ARHGAP42: variants seen among roughly 807,000 people sequenced by gnomAD.
ARHGAP42 encodes the protein rho GTPase-activating protein 42.
Under a neutral mutation model 125.0 loss-of-function variants are expected in ARHGAP42, and 63 were observed. The ratio of observed to expected loss-of-function variants is 0.50; its 90% confidence interval spans 0.41 to 0.62. ARHGAP42 has a LOEUF of 0.62. ARHGAP42 is among the 20% of genes least tolerant of loss of function. ARHGAP42 has a pLI of 0.00. For missense variants in ARHGAP42, 766 were observed against 1,024.2 expected (o/e 0.75, Z 3.44); for synonymous variants, 339 against 351.0 (o/e 0.97, Z 0.38).
intron 4 of ARHGAP42, among the ~76,000 whole-genome samples, chr11:100,873,739 C>T (rs1041569572): frequency 6.6e-6 from 1 of 152,136 alleles, no homozygotes; most frequent in African/African-American, 2.4e-5. Flanking sequence ...TTATTTTCAG[C>T]CTCTTTTTAC....
At chr11:100,723,963 G>T (rs565111150) in intron 1 of ARHGAP42, among the ~76,000 whole-genome samples, 113 of 152,206 alleles carry the variant, frequency 7.4e-4, no homozygotes, top group African/African-American at 2.6e-3. Flanking sequence ...TTTTTATTAT[G>T]AATTGGTGTT....
intron 12 of ARHGAP42, among the ~76,000 whole-genome samples, chr11:100,955,199 T>C (rs566608): frequency 0.88 from 134,067 of 151,982 alleles, 59,224 homozygotes; most frequent in East Asian, 1. Flanking sequence ...TTTAAGGTTT[T>C]AATAAAAGCT....
At chr11:100,813,173 C>T (rs1591202518) in intron 3 of ARHGAP42, among the ~76,000 whole-genome samples, 1 of 151,760 alleles carries the variant, frequency 6.6e-6, no homozygotes, top group Admixed American at 6.7e-5. Context: ...TAGGATTTCT[C>T]CACCTCAGCA....
intron 13 of ARHGAP42, among the ~76,000 whole-genome samples, chr11:100,960,272 G>A (rs1043836725): frequency 4.0e-5 from 6 of 150,532 alleles, no homozygotes; most frequent in African/African-American, 1.5e-4. Flanking sequence ...AGATTCTTAA[G>A]GAGCTTGTCT....
At chr11:100,905,830 T>C (rs1251603516) in intron 4 of ARHGAP42, among the ~76,000 whole-genome samples, 5 of 151,856 alleles carry the variant, frequency 3.3e-5, no homozygotes, top group Admixed American at 1.3e-4. Flanking sequence ...TAACCAAAAT[T>C]AGCCAGGAAT....
chr11:100,936,445 T>A, intron 8 of ARHGAP42, 113 bp downstream of exon 8: 2 of 1,368,406 alleles, frequency 1.5e-6, no homozygotes, highest in African/African-American at 2.9e-5. Context: ...CTTATAGCTT[T>A]ATATCTACTT....
intron 4 of ARHGAP42, among the ~76,000 whole-genome samples, chr11:100,875,766 G>A (rs945150908): frequency 6.6e-6 from 1 of 152,056 alleles, no homozygotes; most frequent in Non-Finnish European, 1.5e-5. Flanking sequence ...GGTGGCGGGG[G>A]GTGACTGGAC....
rs1011484619 is a variant in ARHGAP42, at chr11:100,877,857, T to C, written c.384+18232T>C. ...CCGTCTCCAGTAAAAATACAAAAAT[T>C]AGCCAGACGTGGTGGCACATGCCTG... On this transcript the variant is annotated intron_variant, in intron 4 of 23. Transcript: ENST00000298815. Among the ~76,000 whole-genome samples the C allele has an allele frequency of 2.0e-5, 3 of 151,586 alleles. No individual in the cohort carries two copies. In the East Asian group the frequency reaches 5.9e-4, roughly 30 times the overall value.
intron 4 of ARHGAP42, among the ~76,000 whole-genome samples, chr11:100,884,846 G>A (rs1320917567): frequency 6.6e-6 from 1 of 152,144 alleles, no homozygotes; most frequent in Non-Finnish European, 1.5e-5. Flanking sequence ...GAGCCTGGGT[G>A]GTCAATGGCA....
intron 4 of ARHGAP42, among the ~76,000 whole-genome samples, chr11:100,862,838 C>T (rs2135145495): frequency 6.6e-6 from 1 of 151,968 alleles, no homozygotes; most frequent in African/African-American, 2.4e-5. Context: ...CGAGACCAGC[C>T]TTCTGACCAA....
chr11:100,804,528 T>C (rs941852407), intron 3 of ARHGAP42, among the ~76,000 whole-genome samples: 1 of 151,636 alleles, frequency 6.6e-6, no homozygotes, highest in African/African-American at 2.4e-5. Flanking sequence ...GTTTTAGATG[T>C]ATATTTTTTA....
At chr11:100,918,868 G>C (rs1591294599) in intron 5 of ARHGAP42, among the ~76,000 whole-genome samples, 1 of 152,042 alleles carries the variant, frequency 6.6e-6, no homozygotes, top group Non-Finnish European at 1.5e-5. Context: ...CTTTTTGGAG[G>C]GGGGCAAGTG....
chr11:100,785,638 T>C (rs918312638), intron 2 of ARHGAP42, among the ~76,000 whole-genome samples: 1 of 152,086 alleles, frequency 6.6e-6, no homozygotes, highest in African/African-American at 2.4e-5. Context: ...GCCTGTGGAA[T>C]GTGAAGGAGT....
chr11:100,711,885 A>G (rs999966760), intron 1 of ARHGAP42, among the ~76,000 whole-genome samples: 1 of 152,238 alleles, frequency 6.6e-6, no homozygotes, highest in Non-Finnish European at 1.5e-5. Context: ...AGTAAGGTAA[A>G]TTGTTTAAAT....
intron 4 of ARHGAP42, among the ~76,000 whole-genome samples, chr11:100,902,996 A>C (rs1866594226): frequency 1.3e-5 from 2 of 152,098 alleles, no homozygotes; most frequent in South Asian, 4.1e-4. Flanking sequence ...GATGTGCCAT[A>C]GAGGTAGAGC....
chr11:100,842,085 C>G (rs1010855730), intron 3 of ARHGAP42, among the ~76,000 whole-genome samples: 9 of 152,100 alleles, frequency 5.9e-5, no homozygotes, highest in Non-Finnish European at 1.2e-4. Flanking sequence ...CAAACTAAGC[C>G]AAAAACATCC....
At chr11:100,964,425 C>G (rs1858036961) in intron 16 of ARHGAP42, among the ~76,000 whole-genome samples, 1 of 152,168 alleles carries the variant, frequency 6.6e-6, no homozygotes, top group African/African-American at 2.4e-5. Flanking sequence ...GCGGAAAGAT[C>G]AGATTTTTGA....
intron 3 of ARHGAP42, among the ~76,000 whole-genome samples, chr11:100,841,766 C>T (rs908221610): frequency 2.6e-5 from 4 of 152,134 alleles, no homozygotes; most frequent in African/African-American, 7.2e-5. Flanking sequence ...GGGTTGGAGG[C>T]GGTTGAGGAG....
intron 3 of ARHGAP42, among the ~76,000 whole-genome samples, chr11:100,854,011 C>G (rs977307256): frequency 6.6e-5 from 10 of 151,864 alleles, no homozygotes; most frequent in African/African-American, 2.4e-4. Flanking sequence ...GATCATTAGA[C>G]ATAAAGTAAA....
Sources: allele counts gnomAD v4.1 joint callset (sites outside exome capture counted in the v4.1 genomes callset), GRCh38; gene constraint gnomAD v4.1.1; transcripts MANE v1.5; gene names NCBI Gene and HGNC (gene_info 2026-07-23, HGNC 2026-07-21).